KLF12: variants seen among roughly 807,000 people sequenced by gnomAD.
KLF12 encodes KLF transcription factor 12, also known as Krueppel-like factor 12.
In KLF12, 9 loss-of-function variants were observed where a neutral mutation model predicts 37.8. That is an observed-to-expected ratio of 0.24 (90% CI 0.14 to 0.42). The LOEUF (loss-of-function observed/expected upper bound fraction) is 0.42. Among genes scored for constraint, KLF12 ranks in the 10% least tolerant of loss-of-function variants. The pLI is 1.00. For missense variants in KLF12, 411 were observed against 516.0 expected, an observed-to-expected ratio of 0.80 and a Z score of 1.97; for synonymous variants, 208 against 202.1, an observed-to-expected ratio of 1.03 and a Z score of -0.25.
chr13:74,169,134 C>T, the KLF12 span, among the ~76,000 whole-genome samples: 11 of 152,006 alleles, frequency 7.2e-5, no homozygotes, highest in Admixed American at 3.9e-4. Context: ...TAATTATGGA[C>T]GAAAGTATTA....
At chr13:74,241,268 T>A in the KLF12 span, among the ~76,000 whole-genome samples, 1 of 152,024 alleles carries the variant, frequency 6.6e-6, no homozygotes, top group African/African-American at 2.4e-5. Context: ...GGGTCAGGGG[T>A]CAGGGACCCA....
chr13:74,245,920 A>G, the KLF12 span, among the ~76,000 whole-genome samples: 12 of 152,372 alleles, frequency 7.9e-5, no homozygotes, highest in African/African-American at 2.2e-4. Context: ...GAAAAACTAA[A>G]TTGATCGCAT....
chr13:74,076,043 T>C (rs1448864799), intron 1 of KLF12, among the ~76,000 whole-genome samples: 4 of 152,228 alleles, frequency 2.6e-5, no homozygotes, highest in Non-Finnish European at 4.4e-5. Context: ...ACTTTAAAAG[T>C]AGGTTTTCTT....
At chr13:73,962,861 C>T (rs1025940389) in intron 2 of KLF12, among the ~76,000 whole-genome samples, 3 of 152,122 alleles carry the variant, frequency 2.0e-5, no homozygotes, top group Non-Finnish European at 4.4e-5. Context: ...AAAGTAACCA[C>T]GATTGCCAAG....
intron 1 of KLF12, among the ~76,000 whole-genome samples, chr13:74,018,657 A>C (rs1892763277): frequency 6.6e-6 from 1 of 152,206 alleles, no homozygotes; most frequent in Admixed American, 6.5e-5. Context: ...ACCAATTTAA[A>C]TTAGTAATAA....
At chr13:74,055,240 T>G (rs2138618363) in intron 1 of KLF12, among the ~76,000 whole-genome samples, 1 of 152,232 alleles carries the variant, frequency 6.6e-6, no homozygotes, top group East Asian at 1.9e-4. Flanking sequence ...AGTGTTGGCA[T>G]CAAGTAGTTG....
chr13:74,182,892 C>G, the KLF12 span, among the ~76,000 whole-genome samples: 2 of 152,086 alleles, frequency 1.3e-5, no homozygotes, highest in African/African-American at 4.8e-5. Context: ...ATGTGACACA[C>G]TTCCTTAGGG....
intron 6 of KLF12, among the ~76,000 whole-genome samples, chr13:73,719,423 CA>C (rs368511840): frequency 0.017 from 2,411 of 144,448 alleles, 33 homozygotes; most frequent in Non-Finnish European, 0.024. Flanking sequence ...TGTGGGCATT[CA>C]AAAAAAAAAA....
At chr13:74,219,733 A>T in the KLF12 span, among the ~76,000 whole-genome samples, 1 of 152,246 alleles carries the variant, frequency 6.6e-6, no homozygotes. Context: ...TAGAATTCAC[A>T]TTAGCCCATT....
At chr13:73,984,876 C>T (rs1002040066) in intron 2 of KLF12, among the ~76,000 whole-genome samples, 1 of 152,220 alleles carries the variant, frequency 6.6e-6, no homozygotes, top group African/African-American at 2.4e-5. Context: ...ATGTGCTCTT[C>T]CAGAATGTTT....
At chr13:74,013,805 A>T (rs931670486) in intron 1 of KLF12, among the ~76,000 whole-genome samples, 1 of 152,158 alleles carries the variant, frequency 6.6e-6, no homozygotes, top group African/African-American at 2.4e-5. Context: ...AAATAAAGCA[A>T]AAAGACTCAA....
the KLF12 span, among the ~76,000 whole-genome samples, chr13:74,150,193 T>C: frequency 6.6e-6 from 1 of 152,198 alleles, no homozygotes; most frequent in Admixed American, 6.5e-5. Flanking sequence ...CAGTTGATGC[T>C]CAATATATAT....
upstream of KLF12, among the ~76,000 whole-genome samples, chr13:74,135,509 A>G (rs1216392779): frequency 1.3e-5 from 2 of 151,238 alleles, no homozygotes; most frequent in Non-Finnish European, 3.0e-5. Flanking sequence ...GCGGCCCTGC[A>G]GTTCCCGCGG....
At chr13:74,025,078 C>T (rs1892941385) in intron 1 of KLF12, among the ~76,000 whole-genome samples, 1 of 152,128 alleles carries the variant, frequency 6.6e-6, no homozygotes, top group South Asian at 2.1e-4. Flanking sequence ...GTACATATGA[C>T]AGAGTTTAAA....
the KLF12 span, among the ~76,000 whole-genome samples, chr13:74,183,531 G>A: frequency 6.6e-6 from 1 of 151,600 alleles, no homozygotes; most frequent in Admixed American, 6.6e-5. Flanking sequence ...TTTTTTTCTG[G>A]TTATGAAAAC....
At chr13:73,783,563 G>C (rs1251755744) in intron 5 of KLF12, among the ~76,000 whole-genome samples, 1 of 152,016 alleles carries the variant, frequency 6.6e-6, no homozygotes, top group East Asian at 1.9e-4. Context: ...TGCCCTGTAT[G>C]AATGTATCAA....
At chr13:74,122,506 G>A (rs897160516) in intron 1 of KLF12, among the ~76,000 whole-genome samples, 8 of 152,046 alleles carry the variant, frequency 5.3e-5, no homozygotes, top group African/African-American at 9.7e-5. Context: ...CAACATTTAT[G>A]AAAATTGATA....
chr13:74,238,673 G>A, the KLF12 span, among the ~76,000 whole-genome samples: 3 of 149,202 alleles, frequency 2.0e-5, no homozygotes, highest in Non-Finnish European at 4.4e-5. Context: ...TCTTGGGAGA[G>A]TGTATGTGTC....
intron 3 of KLF12, among the ~76,000 whole-genome samples, chr13:73,882,816 T>C (rs967900641): frequency 6.6e-6 from 1 of 152,148 alleles, no homozygotes; most frequent in African/African-American, 2.4e-5. Context: ...ACCAACAGAA[T>C]TTATCATTAA....
Sources: allele counts gnomAD v4.1 joint callset (sites outside exome capture counted in the v4.1 genomes callset), GRCh38; gene constraint gnomAD v4.1.1; transcripts MANE v1.5; gene names NCBI Gene and HGNC (gene_info 2026-07-23, HGNC 2026-07-21).